The following CBFA2T3 variants were observed in gnomAD, a reference collection of about 807,000 sequenced individuals.
CBFA2T3 encodes the protein CBFA2/RUNX1 partner transcriptional co-repressor 3.
CBFA2T3 carries 31 observed loss-of-function variants against 58.6 expected under a neutral mutation model. That is an observed-to-expected ratio of 0.53 (90% confidence interval 0.40 to 0.71). The LOEUF is 0.71. Among genes scored for constraint, CBFA2T3 ranks in the 30% least tolerant of loss-of-function variants. The pLI is 0.00. For missense variants in CBFA2T3, 1,076 were observed against 963.1 expected, an observed-to-expected ratio of 1.12 and a Z score of -1.55; for synonymous variants, 531 against 421.9, an observed-to-expected ratio of 1.26 and a Z score of -3.17.
chr16:88,971,030 C>G (rs12447145), intron 1 of CBFA2T3, among the ~76,000 whole-genome samples: 72,892 of 151,486 alleles, frequency 0.48, 19,225 homozygotes, highest in African/African-American at 0.7. Context: ...TGCCGGAGGC[C>G]GACGCGGTGG....
At position 88,976,858 on chromosome 16, in the gene CBFA2T3, C is replaced by T. The variant is rs1311097457; in HGVS notation, c.-51G>A. 4 of 1,513,480 alleles carry T rather than the reference C, an allele frequency of 2.6e-6. No homozygotes were observed. Among genetic ancestry groups the T allele is most frequent in the Middle Eastern group, 1.7e-4 (1 of 5,822 alleles). The allele number at this position is 1,513,480 out of a possible 1,614,324, so 93.8% of individuals were successfully genotyped here. A position where few individuals can be genotyped will look rare whatever the true frequency, so the allele number is the denominator to read the frequency against. ...CCTGGAGCCCAGGACAGGCCTCTAC[C>T]AGGACTGCCTTTCCCGACCTCCTGC... is the stretch of plus-strand genomic sequence containing the variant. On this transcript the variant is annotated 5_prime_UTR_variant, in exon 1 of 12. Transcript: ENST00000268679.
intron 3 of CBFA2T3, among the ~76,000 whole-genome samples, chr16:88,895,479 G>A (rs7206776): frequency 0.2 from 31,068 of 152,150 alleles, 3,444 homozygotes; most frequent in East Asian, 0.44. Flanking sequence ...CCGAGGAACC[G>A]AAGACACACA....
chr16:88,912,312 T>C (rs1489631070), intron 1 of CBFA2T3, among the ~76,000 whole-genome samples: 1 of 152,228 alleles, frequency 6.6e-6, no homozygotes, highest in Admixed American at 6.5e-5. Context: ...ATGCGGAAGA[T>C]GGGACAAAGT....
At chr16:88,971,298 C>T (rs1972649930) in intron 1 of CBFA2T3, among the ~76,000 whole-genome samples, 1 of 152,150 alleles carries the variant, frequency 6.6e-6, no homozygotes, top group Non-Finnish European at 1.5e-5. Context: ...TTACTAGAGG[C>T]AGGGTTTTGC....
chr16:88,962,892 G>A (rs1288917578), intron 1 of CBFA2T3, among the ~76,000 whole-genome samples: 4 of 152,232 alleles, frequency 2.6e-5, no homozygotes, highest in Non-Finnish European at 5.9e-5. Flanking sequence ...AGGGAGCTGG[G>A]CAACCCCACC....
chr16:88,931,609 G>A (rs1399490570), intron 1 of CBFA2T3, among the ~76,000 whole-genome samples: 6 of 149,200 alleles, frequency 4.0e-5, no homozygotes, highest in African/African-American at 1.3e-4. Flanking sequence ...GAGAAGGGCC[G>A]TGGGCCGGCC....
chr16:88,920,655 G>C (rs1052191220), intron 1 of CBFA2T3, among the ~76,000 whole-genome samples: 5 of 152,314 alleles, frequency 3.3e-5, no homozygotes, highest in Admixed American at 2.6e-4. Flanking sequence ...AGTGGCAGGA[G>C]GCCCCACCAC....
chr16:88,887,488 G>T (rs1341596543), intron 5 of CBFA2T3, among the ~76,000 whole-genome samples: 1 of 152,168 alleles, frequency 6.6e-6, no homozygotes, highest in Non-Finnish European at 1.5e-5. Flanking sequence ...GGCGGTGGGT[G>T]GGGCTGCATC....
intron 1 of CBFA2T3, among the ~76,000 whole-genome samples, chr16:88,907,078 C>T (rs889984725): frequency 4.6e-5 from 7 of 152,072 alleles, no homozygotes; most frequent in Non-Finnish European, 4.4e-5. Flanking sequence ...TTCCAGAGCT[C>T]GAAGTGCCCA....
At chr16:88,884,925 C>T (rs1969295682) in intron 7 of CBFA2T3, 121 bp downstream of exon 7, 1 of 713,366 alleles carries the variant, frequency 1.4e-6, no homozygotes, top group Non-Finnish European at 2.2e-6. Flanking sequence ...GAAGGGGTCT[C>T]CCGAGCTCAG....
In CBFA2T3 at chr16:88,945,110, A is replaced by G. The variant is rs567897489; in HGVS notation, c.151+31547T>C. 1.9e-4 allele frequency among the ~76,000 whole-genome samples: 29 copies of G among 152,364 alleles called. No individual in the cohort carries two copies. The South Asian group carries it at 5.6e-3, about 29-fold the overall frequency. On this transcript the variant is annotated intron_variant, in intron 1 of 11. Coordinates refer to ENST00000268679, the MANE Select transcript of CBFA2T3 (RefSeq NM_005187.6). ...CTGCCAAGAATAGAAAGTCTGATAC[A>G]CTATAGGTATAGATATTTAAAAATA...
intron 1 of CBFA2T3, among the ~76,000 whole-genome samples, chr16:88,948,473 G>C (rs913237097): frequency 1.3e-5 from 2 of 152,178 alleles, no homozygotes; most frequent in Admixed American, 1.3e-4. Flanking sequence ...GTCTGGTGTG[G>C]GCACCAGATG....
intron 3 of CBFA2T3, among the ~76,000 whole-genome samples, chr16:88,894,561 CACACATGCACACACACATGCATACATAT>C (rs1334342194): frequency 6.7e-6 from 1 of 148,944 alleles, no homozygotes; most frequent in Non-Finnish European, 1.5e-5. Flanking sequence ...CACATGCACA[CACACATGCACACACACATGCATACATAT>C]ACACATGCAC....
At chr16:88,913,789 G>A (rs1970602720) in intron 1 of CBFA2T3, among the ~76,000 whole-genome samples, 1 of 152,222 alleles carries the variant, frequency 6.6e-6, no homozygotes. Flanking sequence ...CTCAGAGAGG[G>A]CTGGGTAGAT....
At chr16:88,956,459 C>T (rs559007839) in intron 1 of CBFA2T3, among the ~76,000 whole-genome samples, 1 of 152,364 alleles carries the variant, frequency 6.6e-6, no homozygotes, top group Non-Finnish European at 1.5e-5. Flanking sequence ...CCCAGCAGCT[C>T]CCGGAGGGTG....
intron 1 of CBFA2T3, among the ~76,000 whole-genome samples, chr16:88,943,818 G>C (rs1233613853): frequency 6.6e-6 from 1 of 152,190 alleles, no homozygotes; most frequent in African/African-American, 2.4e-5. Context: ...ATTTCGAGGG[G>C]ACATTTAAGG....
intron 1 of CBFA2T3, among the ~76,000 whole-genome samples, chr16:88,968,714 C>T (rs1374561980): frequency 6.6e-6 from 1 of 152,182 alleles, no homozygotes. Context: ...TGCAGGCCCC[C>T]TTGGGAATAA....
intron 1 of CBFA2T3, chr16:88,939,028 G>T (rs932846780): frequency 1.3e-5 from 2 of 152,202 alleles, no homozygotes; most frequent in Non-Finnish European, 2.9e-5. Context: ...GGGATCTTGG[G>T]GATTAGTGAC....
rs138479125 is a variant in CBFA2T3, at chr16:88,912,840, G to A, written c.152-11184C>T. ...TCGAGGCCTGTCCCCTCTGCCGTGT[G>A]AGCCCAGCAGGCAGCTCCCCTCATC... On this transcript the variant is annotated intron_variant, in intron 1 of 11. Coordinates refer to ENST00000268679, the MANE Select transcript of CBFA2T3 (RefSeq NM_005187.6). 5.7e-3 allele frequency among the ~76,000 whole-genome samples: 867 copies of A among 152,346 alleles called. 10 individuals are homozygous for A. The highest frequency in any genetic ancestry group is 0.02 in the African/African-American group (833 of 41,574).
Sources: gnomAD v4.1 joint callset for allele counts (sites outside exome capture counted in the v4.1 genomes callset) on GRCh38, gnomAD v4.1.1 for gene constraint, MANE v1.5 for transcripts, NCBI Gene and HGNC (gene_info 2026-07-23, HGNC 2026-07-21) for gene names.